Variants in HIVEP3 observed in about 807,000 individuals in gnomAD.
HIVEP3 encodes the protein transcription factor HIVEP3.
Under a neutral mutation model 152.8 loss-of-function variants are expected in HIVEP3, and 49 were observed. The observed-to-expected ratio is 0.32, with a 90% confidence interval of 0.26 to 0.41. The LOEUF (loss-of-function observed/expected upper bound fraction) is 0.41, where lower values mean the gene tolerates loss of function less well. Ranked by LOEUF, HIVEP3 falls within the 10% of genes least tolerant of loss-of-function variation. HIVEP3 has a pLI of 1.00. For missense variants in HIVEP3, 2,790 were observed against 3,103.3 expected (o/e 0.90, Z 2.40); for synonymous variants, 1,269 against 1,289.0 (o/e 0.98, Z 0.33).
chr1:42,031,424 G>T (rs533194171), intron 1 of HIVEP3, among the ~76,000 whole-genome samples: 1 of 149,402 alleles, frequency 6.7e-6, no homozygotes, highest in African/African-American at 2.5e-5. Flanking sequence ...TCCTAGTAAG[G>T]TTTTTTTTTT....
intron 1 of HIVEP3, among the ~76,000 whole-genome samples, chr1:41,770,129 C>T (rs961541041): frequency 4.6e-5 from 7 of 152,034 alleles, no homozygotes; most frequent in East Asian, 1.9e-4. Context: ...CCACCACGCC[C>T]GGCTAATTTT....
At chr1:41,837,339 T>C (rs1643153690) in intron 1 of HIVEP3, among the ~76,000 whole-genome samples, 1 of 152,156 alleles carries the variant, frequency 6.6e-6, no homozygotes, top group Non-Finnish European at 1.5e-5. Flanking sequence ...TTTTATTATT[T>C]TTTTGAGACA....
chr1:41,878,604 C>T (rs1225067503), intron 1 of HIVEP3, among the ~76,000 whole-genome samples: 1 of 152,002 alleles, frequency 6.6e-6, no homozygotes, highest in African/African-American at 2.4e-5. Context: ...CTAAATTCCA[C>T]CAGCAGGGGT....
chr1:41,952,468 C>A (rs1017210093), intron 1 of HIVEP3, among the ~76,000 whole-genome samples: 6 of 151,142 alleles, frequency 4.0e-5, no homozygotes, highest in Admixed American at 1.3e-4. Context: ...GTGTGTAGTG[C>A]CTGCGAGGCC....
At chr1:41,735,533 C>A (rs2124195332) in intron 1 of HIVEP3, among the ~76,000 whole-genome samples, 1 of 152,282 alleles carries the variant, frequency 6.6e-6, no homozygotes. Flanking sequence ...AGAGCTCATT[C>A]ACTGCTCTAA....
chr1:42,022,291 C>T (rs1201904404), intron 1 of HIVEP3, among the ~76,000 whole-genome samples: 2 of 152,144 alleles, frequency 1.3e-5, no homozygotes, highest in African/African-American at 4.8e-5. Context: ...GATGAGATTG[C>T]CCTTTCCCCA....
chr1:41,742,576 A>G (rs1374775957), intron 1 of HIVEP3, among the ~76,000 whole-genome samples: 1 of 152,236 alleles, frequency 6.6e-6, no homozygotes, highest in Non-Finnish European at 1.5e-5. Flanking sequence ...ATTCCCCATA[A>G]GAGCAGAGGT....
In HIVEP3 at chr1:41,715,882, C is replaced by T. The variant is rs552081480; in HGVS notation, c.-800-14887G>A. ...AGCATTTCTCTATGTCAGGCCCAAA[C>T]CGAAAGCCACAGAGGAACTTGCACA... On this transcript the variant is annotated intron_variant, in intron 1 of 8. Coordinates refer to ENST00000372583, the MANE Select transcript of HIVEP3 (RefSeq NM_024503.5). 2.5e-4 allele frequency among the ~76,000 whole-genome samples: 38 copies of T among 152,346 alleles called. 1 individual carries two copies. The highest frequency in any genetic ancestry group is 8.9e-4 in the African/African-American group (37 of 41,584).
rs1644486319 is a variant in HIVEP3, at chr1:41,585,209, T to A, written c.-412A>T. ...GACATCTGTGTCCATGGCCCAGTCA[T>A]CCCTGGTCCTGGCACAAGAGATGCC... On this transcript the variant is annotated 5_prime_UTR_variant, in exon 4 of 9. The change abolishes an upstream ATG in the 5' untranslated region. Transcript: ENST00000372583. 2.5e-6 allele frequency: 1 copy of A among 397,524 alleles called. No individual in the cohort carries two copies. Among genetic ancestry groups the A allele is most frequent in the African/African-American group, 2.1e-5 (1 of 47,218 alleles). 24.6% of individuals were successfully genotyped at this position (397,524 alleles called of 1,614,324 possible).
chr1:41,687,354 C>T (rs905540425), intron 2 of HIVEP3, among the ~76,000 whole-genome samples: 1 of 152,236 alleles, frequency 6.6e-6, no homozygotes, highest in African/African-American at 2.4e-5. Flanking sequence ...TTAGCTGCCC[C>T]TTCTCTTCAA....
intron 5 of HIVEP3, among the ~76,000 whole-genome samples, chr1:41,541,558 T>C (rs376282877): frequency 6.6e-6 from 1 of 152,320 alleles, no homozygotes; most frequent in African/African-American, 2.4e-5. Context: ...CTCTTTCTGA[T>C]GAAGCTCCAG....
intron 1 of HIVEP3, among the ~76,000 whole-genome samples, chr1:41,891,898 G>A (rs1181143015): frequency 2.0e-5 from 3 of 152,226 alleles, no homozygotes; most frequent in Non-Finnish European, 4.4e-5. Context: ...TAAAACTCAC[G>A]AGAGAAAGCG....
intron 1 of HIVEP3, among the ~76,000 whole-genome samples, chr1:41,944,063 A>T (rs1645061857): frequency 6.6e-6 from 1 of 152,248 alleles, no homozygotes; most frequent in East Asian, 1.9e-4. Context: ...AGGTACTTAG[A>T]GTAATAAAAT....
chr1:41,718,789 C>T (rs751103171), intron 1 of HIVEP3, among the ~76,000 whole-genome samples: 1 of 149,102 alleles, frequency 6.7e-6, no homozygotes, highest in Non-Finnish European at 1.5e-5. Context: ...CACACACACA[C>T]ACACACACGT....
In HIVEP3 at chr1:41,899,506, AAGCAATTCTCCT is replaced by A. The variant is rs1434581866; in HGVS notation, c.-801+18895_-801+18906del. On this transcript the variant is annotated intron_variant, in intron 1 of 8. Transcript: ENST00000372583. Reference sequence around the variant, plus strand: ...ACTGCAGCCTCTGCTGCCCGGGTTTAAGCAATTCTCCTGCCTCAGCCTCCCGAGTAGCTGGGA... The same window carrying A: ...ACTGCAGCCTCTGCTGCCCGGGTTTAGCCTCAGCCTCCCGAGTAGCTGGGA... 5.9e-5 allele frequency among the ~76,000 whole-genome samples: 9 copies of A among 152,236 alleles called. No homozygotes were observed. In the South Asian group the frequency reaches 1.7e-3, roughly 28 times the overall value.
intron 2 of HIVEP3, among the ~76,000 whole-genome samples, chr1:41,632,234 G>A (rs1000756199): frequency 6.6e-6 from 1 of 152,152 alleles, no homozygotes; most frequent in Non-Finnish European, 1.5e-5. Flanking sequence ...TCTCTTTAGC[G>A]CCCAAGTTGG....
In HIVEP3 at chr1:41,718,896, G is replaced by A. The variant is rs981914880; in HGVS notation, c.-800-17901C>T. On this transcript the variant is annotated intron_variant, in intron 1 of 8. Coordinates refer to ENST00000372583, the MANE Select transcript of HIVEP3 (RefSeq NM_024503.5). ...TGAGACCAAAGGCATTAGAACGAAG[G>A]CGCTAGTGGATTTTAGCTGGGGGTC... 2.6e-5 allele frequency among the ~76,000 whole-genome samples: 4 copies of A among 152,228 alleles called. No homozygotes were observed. In the East Asian group the frequency reaches 5.8e-4, roughly 22 times the overall value.
At chr1:41,716,880 T>A (rs1227474471) in intron 1 of HIVEP3, among the ~76,000 whole-genome samples, 1 of 152,214 alleles carries the variant, frequency 6.6e-6, no homozygotes, top group Non-Finnish European at 1.5e-5. Context: ...TCTCTGTCAC[T>A]CTCAGGCATG....
chr1:41,801,103 T>C (rs1477187269), intron 1 of HIVEP3, among the ~76,000 whole-genome samples: 2 of 152,180 alleles, frequency 1.3e-5, no homozygotes, highest in Non-Finnish European at 2.9e-5. Flanking sequence ...ACAGGCAGTG[T>C]AACCGTGGGC....
Sources: gnomAD v4.1 joint callset for allele counts (sites outside exome capture counted in the v4.1 genomes callset) on GRCh38, gnomAD v4.1.1 for gene constraint, MANE v1.5 for transcripts, NCBI Gene and HGNC (gene_info 2026-07-23, HGNC 2026-07-21) for gene names.